CCDC30: variants seen among roughly 807,000 people sequenced by gnomAD.
CCDC30 encodes the protein coiled-coil domain containing 30, also known as coiled-coil domain-containing protein 30.
In CCDC30, 70 loss-of-function variants were observed where a neutral mutation model predicts 100.2. The observed-to-expected ratio is 0.70, with a 90% confidence interval of 0.58 to 0.85. The LOEUF (loss-of-function observed/expected upper bound fraction) is 0.85, where lower values mean the gene tolerates loss of function less well. Among genes scored for constraint, CCDC30 ranks in the 40% least tolerant of loss-of-function variants. The probability of loss-of-function intolerance (pLI) is 0.00; values close to 1 mark genes in which losing one functional copy is unlikely to be tolerated. For synonymous variants in CCDC30, 233 were observed against 269.5 expected, an observed-to-expected ratio of 0.86 and a Z score of 1.33; for missense variants, 652 against 771.2, an observed-to-expected ratio of 0.85 and a Z score of 1.83.
At chr1:42,500,361 T>C (rs1376797487) in intron 6 of CCDC30, 1 of 1,530,856 alleles carries the variant, frequency 6.5e-7, no homozygotes, top group Non-Finnish European at 9.0e-7. Flanking sequence ...AAAAGCGGAG[T>C]GAGGTGCGTG....
intron 11 of CCDC30, among the ~76,000 whole-genome samples, chr1:42,619,263 G>A (rs1480389092): frequency 6.6e-6 from 1 of 152,144 alleles, no homozygotes; most frequent in Non-Finnish European, 1.5e-5. Context: ...ATTCTTTTAT[G>A]TACACTTAAC....
At chr1:42,520,052 A>G (rs941202784) in intron 6 of CCDC30, among the ~76,000 whole-genome samples, 6 of 152,052 alleles carry the variant, frequency 3.9e-5, no homozygotes, top group Admixed American at 2.0e-4. Context: ...GATCTTTTCA[A>G]AGAACAAAGC....
At position 42,481,556 on chromosome 1, in the gene CCDC30, G is replaced by A. The variant is rs756581933; in HGVS notation, c.15+990G>A. The stretch of plus-strand genomic sequence containing the variant: ...TATGTCATTGCACTCCAGCCTGGGC[G>A]ACAGAGCAAAACCCTGTCTCAAAAA... On this transcript the variant is annotated intron_variant, in intron 2 of 16. Transcript: ENST00000668663. Among the ~76,000 whole-genome samples, 83 of 132,878 alleles carry A rather than the reference G, an allele frequency of 6.2e-4. 1 individual carries two copies. Among genetic ancestry groups the A allele is most frequent in the South Asian group, 3.1e-3 (13 of 4,174 alleles). 87.2% of individuals were successfully genotyped at this position (132,878 alleles called of 152,430 possible).
chr1:42,547,375 A>G (rs1645165742), intron 6 of CCDC30, among the ~76,000 whole-genome samples: 2 of 152,198 alleles, frequency 1.3e-5, no homozygotes, highest in South Asian at 4.1e-4. Context: ...AGATGAAGAG[A>G]TGGTTGCCTA....
the CCDC30 span, chr1:42,456,527 G>A: frequency 2.8e-5 from 40 of 1,438,650 alleles, 1 homozygote; most frequent in South Asian, 5.4e-4. Context: ...TGGCGCGGCG[G>A]CCGCGAAACG....
intron 6 of CCDC30, among the ~76,000 whole-genome samples, chr1:42,530,654 A>G (rs899284563): frequency 6.6e-6 from 1 of 152,196 alleles, no homozygotes; most frequent in African/African-American, 2.4e-5. Context: ...TCAATTTAAC[A>G]TTTTAAAAAT....
At chr1:42,642,560 G>C (rs1382895384) in exon 13 of CCDC30, 1 of 1,603,486 alleles carries the variant, frequency 6.2e-7, no homozygotes, top group East Asian at 2.3e-5. Context: ...CATAGAGCAA[G>C]AACAGTTGAT....
chr1:42,536,706 G>A, intron 6 of CCDC30, 105 bp downstream of exon 7: 1 of 807,364 alleles, frequency 1.2e-6, no homozygotes, highest in Non-Finnish European at 2.0e-6. Flanking sequence ...AGCTTGGGCT[G>A]CCATAACCAA....
chr1:42,481,248 T>C (rs567684656), intron 2 of CCDC30, among the ~76,000 whole-genome samples: 2 of 152,224 alleles, frequency 1.3e-5, no homozygotes, highest in South Asian at 2.1e-4. Context: ...TGTATCAAAA[T>C]TTAAACAATC....
chr1:42,609,256 ATAG>A (rs1464485532), intron 10 of CCDC30, among the ~76,000 whole-genome samples: 2 of 152,178 alleles, frequency 1.3e-5, no homozygotes, highest in Admixed American at 6.6e-5. Flanking sequence ...TACTTAATGA[ATAG>A]TAAATATATT....
At chr1:42,497,849 C>A (rs1644252773) in intron 5 of CCDC30, among the ~76,000 whole-genome samples, 1 of 152,124 alleles carries the variant, frequency 6.6e-6, no homozygotes, top group African/African-American at 2.4e-5. Flanking sequence ...TAAAGTAGTG[C>A]AGCCACCATG....
intron 1 of CCDC30, among the ~76,000 whole-genome samples, chr1:42,477,952 C>T (rs527458360): frequency 2.4e-4 from 36 of 152,256 alleles, no homozygotes; most frequent in Admixed American, 9.2e-4. Context: ...TAGTGGTTCA[C>T]GTGAGTGAAT....
At chr1:42,536,498 A>G in intron 6 of CCDC30, 1 of 1,608,186 alleles carries the variant, frequency 6.2e-7, no homozygotes, top group Non-Finnish European at 8.5e-7. Context: ...AGCCAAGAAA[A>G]AAATGAAATG....
At chr1:42,519,548 G>A (rs1005239322) in intron 6 of CCDC30, among the ~76,000 whole-genome samples, 9 of 151,840 alleles carry the variant, frequency 5.9e-5, no homozygotes, top group African/African-American at 2.2e-4. Flanking sequence ...TTGTTTGTTT[G>A]TTTGTTTGTT....
chr1:42,642,560 G>A lies in CCDC30; in HGVS notation c.1507G>A (p.Glu503Lys), dbSNP rs1382895384. The change falls in exon 13 of 17, where the codon GAA becomes AAA. Residue 503 changes from glutamate to lysine, a missense_variant. Glu to Lys is a moderately conservative substitution (Grantham distance 56). Coordinates refer to ENST00000668663, the Ensembl canonical transcript of CCDC30. ...ACTTCAGGAGCAAGTCATAGAGCAAGAACAGTTGATCCACAGCAACAAATG... is the reference window on the plus strand; with the variant it reads ...ACTTCAGGAGCAAGTCATAGAGCAAAAACAGTTGATCCACAGCAACAAATG... 8 of 1,603,366 alleles carry A rather than the reference G, an allele frequency of 5.0e-6. No individual in the cohort carries two copies. The highest frequency in any genetic ancestry group is 6.8e-6 in the Non-Finnish European group (8 of 1,175,098).
At chr1:42,491,423 T>G (rs868368649) in intron 4 of CCDC30, among the ~76,000 whole-genome samples, 1 of 150,792 alleles carries the variant, frequency 6.6e-6, no homozygotes, top group Non-Finnish European at 1.5e-5. Context: ...CTCATGGACA[T>G]AGAGAGCAGA....
chr1:42,461,156 T>A (rs756202469), upstream of CCDC30, among the ~76,000 whole-genome samples: 5 of 152,218 alleles, frequency 3.3e-5, no homozygotes, highest in Non-Finnish European at 7.3e-5. Context: ...TCATGGTGTT[T>A]CATGGAGTAG....
At chr1:42,635,674 T>C (rs1647138775) in intron 11 of CCDC30, among the ~76,000 whole-genome samples, 1 of 151,820 alleles carries the variant, frequency 6.6e-6, no homozygotes, top group Admixed American at 6.6e-5. Context: ...CCAGGCGTGG[T>C]GGTGGGTGCC....
At chr1:42,458,077 G>A in the CCDC30 span, among the ~76,000 whole-genome samples, 20 of 152,292 alleles carry the variant, frequency 1.3e-4, no homozygotes, top group South Asian at 3.9e-3. Flanking sequence ...GCTGTGAACC[G>A]AAGTGCTTTG....
Sources: allele counts gnomAD v4.1 joint callset (sites outside exome capture counted in the v4.1 genomes callset), GRCh38; gene constraint gnomAD v4.1.1; transcripts MANE v1.5; gene names NCBI Gene and HGNC (gene_info 2026-07-23, HGNC 2026-07-21).